CHN2: variants seen among roughly 807,000 people sequenced by gnomAD.
The protein encoded by CHN2 is chimerin 2, also known as beta-chimaerin.
A neutral mutation model predicts 56.3 loss-of-function variants in CHN2; 35 were observed. That is an observed-to-expected ratio of 0.62 (90% CI 0.47 to 0.82). The LOEUF (loss-of-function observed/expected upper bound fraction) is 0.82, where lower values mean the gene tolerates loss of function less well. Among genes scored for constraint, CHN2 ranks in the 40% least tolerant of loss-of-function variants. The pLI, the probability that CHN2 is intolerant of heterozygous loss-of-function variation, is 0.00. For synonymous variants in CHN2, 210 were observed against 212.8 expected (o/e 0.99, Z 0.12); for missense variants, 491 against 580.5 (o/e 0.85, Z 1.58).
chr7:29,365,771 T>G (rs1799108848), intron 2 of CHN2, among the ~76,000 whole-genome samples: 1 of 152,210 alleles, frequency 6.6e-6, no homozygotes, highest in Non-Finnish European at 1.5e-5. Context: ...GATCTTCCTC[T>G]GAGAGCAATG....
At chr7:29,325,061 G>A (rs1795698558) in intron 1 of CHN2, among the ~76,000 whole-genome samples, 1 of 152,018 alleles carries the variant, frequency 6.6e-6, no homozygotes, top group African/African-American at 2.4e-5. Context: ...GGCTCCTAGG[G>A]CACCACCATT....
chr7:29,348,547 C>T (rs1364911805), intron 1 of CHN2, among the ~76,000 whole-genome samples: 1 of 152,132 alleles, frequency 6.6e-6, no homozygotes, highest in African/African-American at 2.4e-5. Context: ...CTTAGAATTA[C>T]TCGTTGATAT....
intron 3 of CHN2, among the ~76,000 whole-genome samples, chr7:29,381,456 T>C (rs1161842456): frequency 6.6e-6 from 1 of 152,004 alleles, no homozygotes; most frequent in Non-Finnish European, 1.5e-5. Context: ...AAAGAAGATG[T>C]AGCAAAGAAG....
At chr7:29,374,839 TCCTTCCTTCCTGCCTC>T (rs1427147920) in intron 3 of CHN2, among the ~76,000 whole-genome samples, 3 of 148,284 alleles carry the variant, frequency 2.0e-5, no homozygotes, top group African/African-American at 7.7e-5. Flanking sequence ...CTTCCTTCCT[TCCTTCCTTCCTGCCTC>T]CCTCCCTCCC....
rs1241282856 is a variant in CHN2 at position 29,507,361 on chromosome 7, A to G, written c.1125A>G (p.Ala375=). 1.2e-6 allele frequency: 2 copies of G among 1,601,590 alleles called. No homozygotes were observed. The highest frequency in any genetic ancestry group is 1.7e-6 in the Non-Finnish European group (2 of 1,174,900). ...TYDTYSKFID[A]AKISNADERL... ...ATACCTATTCCAAATTTATAGATGCAGCAAGTAAGTACTTCAAATTAATTT... is the reference window on the plus strand; with the variant it reads ...ATACCTATTCCAAATTTATAGATGCGGCAAGTAAGTACTTCAAATTAATTT... The change falls in exon 11 of 13, where the codon GCA becomes GCG. Residue 375 remains alanine (A), a synonymous_variant. Transcript: ENST00000222792.
At chr7:29,376,067 C>T (rs1428022971) in intron 3 of CHN2, among the ~76,000 whole-genome samples, 1 of 152,222 alleles carries the variant, frequency 6.6e-6, no homozygotes, top group African/African-American at 2.4e-5. Context: ...TCCAACCAAG[C>T]ACTGAGAGGC....
intron 6 of CHN2, among the ~76,000 whole-genome samples, chr7:29,443,590 A>G (rs1783829016): frequency 6.6e-6 from 1 of 152,194 alleles, no homozygotes; most frequent in South Asian, 2.1e-4. Context: ...AAACAACCTC[A>G]ATGTCTCAGT....
At chr7:29,469,284 C>T (rs1785828847) in intron 6 of CHN2, among the ~76,000 whole-genome samples, 1 of 152,228 alleles carries the variant, frequency 6.6e-6, no homozygotes, top group African/African-American at 2.4e-5. Flanking sequence ...TGAATTTCTG[C>T]CATAGCCTTT....
intron 3 of CHN2, among the ~76,000 whole-genome samples, chr7:29,392,541 A>C (rs1216775860): frequency 6.6e-6 from 1 of 152,184 alleles, no homozygotes; most frequent in Non-Finnish European, 1.5e-5. Context: ...CATATTTAGA[A>C]GTGTCTAGAT....
chr7:29,355,568 G>C (rs1373539896), intron 2 of CHN2, among the ~76,000 whole-genome samples: 1 of 151,870 alleles, frequency 6.6e-6, no homozygotes, highest in Non-Finnish European at 1.5e-5. Flanking sequence ...CAGTGAGAGA[G>C]GGCAGGACTG....
At chr7:29,427,952 G>A (rs1267147791) in intron 6 of CHN2, among the ~76,000 whole-genome samples, 1 of 152,112 alleles carries the variant, frequency 6.6e-6, no homozygotes, top group Non-Finnish European at 1.5e-5. Context: ...TCCGCATCCG[G>A]CCATTTTTTA....
At chr7:29,410,605 G>A (rs1803114397) in intron 6 of CHN2, among the ~76,000 whole-genome samples, 1 of 152,052 alleles carries the variant, frequency 6.6e-6, no homozygotes, top group South Asian at 2.1e-4. Flanking sequence ...TGGGTATTTT[G>A]TTGAGTATGG....
At chr7:29,390,804 C>T (rs916675391) in intron 3 of CHN2, among the ~76,000 whole-genome samples, 4 of 152,178 alleles carry the variant, frequency 2.6e-5, no homozygotes, top group African/African-American at 7.2e-5. Context: ...GGGCACAGCA[C>T]GGAGGTTCTT....
chr7:29,428,828 A>G (rs1805138092), intron 6 of CHN2, among the ~76,000 whole-genome samples: 1 of 152,196 alleles, frequency 6.6e-6, no homozygotes, highest in African/African-American at 2.4e-5. Context: ...AACTGATGCA[A>G]CCCACAGAAG....
chr7:29,336,799 G>A (rs1796662262), intron 1 of CHN2, among the ~76,000 whole-genome samples: 1 of 121,584 alleles, frequency 8.2e-6, no homozygotes, highest in African/African-American at 3.1e-5. Flanking sequence ...AGCTTCACAT[G>A]CAAACCAGAA....
intron 2 of CHN2, among the ~76,000 whole-genome samples, chr7:29,176,227 ATT>A (rs1797322402): frequency 1.3e-5 from 2 of 151,992 alleles, no homozygotes; most frequent in Admixed American, 6.6e-5. Context: ...GACCATGACT[ATT>A]TATTTATTCT....
chr7:29,282,001 C>G (rs1234598583), intron 1 of CHN2, among the ~76,000 whole-genome samples: 2 of 152,132 alleles, frequency 1.3e-5, no homozygotes, highest in African/African-American at 4.8e-5. Context: ...AACATAGAGA[C>G]AGTTGTGTTG....
chr7:29,332,169 C>T (rs1230647138), intron 1 of CHN2, among the ~76,000 whole-genome samples: 3 of 152,292 alleles, frequency 2.0e-5, no homozygotes, highest in South Asian at 2.1e-4. Flanking sequence ...CCCGCAGTGG[C>T]GCGAGACTGT....
chr7:29,164,305 G>A (rs918256440), intron 2 of CHN2, among the ~76,000 whole-genome samples: 3 of 152,162 alleles, frequency 2.0e-5, no homozygotes, highest in Middle Eastern at 3.4e-3. Context: ...TTTGTAAAAT[G>A]TCTATTTGAT....
Sources: allele counts gnomAD v4.1 joint callset (sites outside exome capture counted in the v4.1 genomes callset), GRCh38; gene constraint gnomAD v4.1.1; transcripts MANE v1.5; gene names NCBI Gene and HGNC (gene_info 2026-07-23, HGNC 2026-07-21).